TMEM117: variants seen among roughly 807,000 people sequenced by gnomAD.
TMEM117 encodes transmembrane protein 117.
Under a neutral mutation model 52.4 loss-of-function variants are expected in TMEM117, and 27 were observed. That is an observed-to-expected ratio of 0.51 (90% confidence interval 0.38 to 0.71). The LOEUF (loss-of-function observed/expected upper bound fraction) is 0.71. TMEM117 is among the 30% of genes least tolerant of loss of function. The pLI is 0.00. For synonymous variants in TMEM117, 215 were observed against 206.3 expected (o/e 1.04, Z -0.36); for missense variants, 556 against 630.5 (o/e 0.88, Z 1.26).
chr12:43,896,806 T>C (rs1053105215), intron 2 of TMEM117, among the ~76,000 whole-genome samples: 3 of 152,144 alleles, frequency 2.0e-5, no homozygotes, highest in Admixed American at 6.5e-5. Context: ...ACCCACAGCT[T>C]ATCATTTTAT....
At chr12:44,313,325 A>G (rs1210364697) in intron 6 of TMEM117, among the ~76,000 whole-genome samples, 3 of 152,186 alleles carry the variant, frequency 2.0e-5, no homozygotes, top group Admixed American at 6.5e-5. Context: ...TCTTCTGCAT[A>G]TGACTATCCA....
chr12:44,216,633 A>G (rs959851160), intron 5 of TMEM117, among the ~76,000 whole-genome samples: 1 of 152,180 alleles, frequency 6.6e-6, no homozygotes, highest in East Asian at 1.9e-4. Context: ...AGTATTACTG[A>G]GTATTATAGT....
In TMEM117 at chr12:44,282,204, A is replaced by C. The variant is rs563404593; in HGVS notation, c.609-17376A>C. Among the ~76,000 whole-genome samples, 5 of 152,304 alleles carry C rather than the reference A, an allele frequency of 3.3e-5. No homozygotes were observed. The South Asian group carries it at 6.2e-4, about 19-fold the overall frequency. On this transcript the variant is annotated intron_variant, in intron 5 of 7. Transcript: ENST00000266534. ...CGTGGAACTGTAAGTCCAATTAAAC[A>C]TCTTTTTCTTCCCCGTCTCAGGTAT...
At chr12:44,365,402 T>G (rs1328212399) in intron 6 of TMEM117, among the ~76,000 whole-genome samples, 1 of 152,014 alleles carries the variant, frequency 6.6e-6, no homozygotes, top group Non-Finnish European at 1.5e-5. Context: ...GGCATGATAG[T>G]TGGGCTTAAA....
At chr12:44,055,742 T>A (rs1020383078) in intron 3 of TMEM117, among the ~76,000 whole-genome samples, 2 of 152,200 alleles carry the variant, frequency 1.3e-5, no homozygotes, top group Non-Finnish European at 2.9e-5. Flanking sequence ...ACTATACAGA[T>A]GTATTGTGAA....
At chr12:44,324,026 T>C (rs575829358) in intron 6 of TMEM117, among the ~76,000 whole-genome samples, 23 of 152,226 alleles carry the variant, frequency 1.5e-4, no homozygotes, top group African/African-American at 3.4e-4. Context: ...TTCACCTCAT[T>C]TTGACATCAT....
intron 2 of TMEM117, among the ~76,000 whole-genome samples, chr12:43,942,181 A>G (rs1945054275): frequency 6.6e-6 from 1 of 152,200 alleles, no homozygotes; most frequent in Non-Finnish European, 1.5e-5. Context: ...AAATACTCAG[A>G]TGATAATTGA....
intron 3 of TMEM117, among the ~76,000 whole-genome samples, chr12:44,059,511 T>C (rs1947107164): frequency 6.6e-6 from 1 of 152,116 alleles, no homozygotes; most frequent in African/African-American, 2.4e-5. Flanking sequence ...CATTTTGGGG[T>C]GGTCTTTACT....
chr12:44,272,048 C>T (rs1371426518), intron 5 of TMEM117, among the ~76,000 whole-genome samples: 1 of 151,972 alleles, frequency 6.6e-6, no homozygotes, highest in Non-Finnish European at 1.5e-5. Context: ...ACCTCATACT[C>T]GTTAGAGTGG....
At position 44,388,581 on chromosome 12, in the gene TMEM117, C is replaced by G. The variant is rs146778152; in HGVS notation, c.1454C>G (p.Ser485Trp). The stretch of plus-strand genomic sequence containing the variant: ...GTCTACAAGTCTTCCCACCTAACCT[C>G]GGAAAACTTGAGCTCACAGTTGAAC... ...EIVYKSSHLT[S>W]ENLSSQLNES... The change falls in exon 8 of 8, where the codon TCG becomes TGG. Residue 485 changes from serine to tryptophan, a missense_variant. This residue lies in a region of TMEM117 where 206 missense variants were observed against 211.1 expected (regional missense o/e 0.98). Transcript: ENST00000266534. The G allele has an allele frequency of 1.2e-6, 2 of 1,613,374 alleles. No homozygotes were observed. The highest frequency in any genetic ancestry group is 1.7e-6 in the Non-Finnish European group (2 of 1,179,596).
At chr12:43,867,131 G>C (rs1419477910) in intron 2 of TMEM117, among the ~76,000 whole-genome samples, 1 of 151,962 alleles carries the variant, frequency 6.6e-6, no homozygotes, top group African/African-American at 2.4e-5. Context: ...TGTTTAAAAG[G>C]AAAATTGTAA....
At chr12:44,096,764 G>C (rs1429639606) in intron 3 of TMEM117, among the ~76,000 whole-genome samples, 11 of 152,146 alleles carry the variant, frequency 7.2e-5, no homozygotes, top group South Asian at 2.1e-4. Context: ...AAAAACCCTA[G>C]AAGAAAAGCT....
chr12:44,016,597 C>T (rs984952078), intron 3 of TMEM117, among the ~76,000 whole-genome samples: 14 of 152,212 alleles, frequency 9.2e-5, no homozygotes, highest in African/African-American at 3.1e-4. Context: ...AGATGGGAAA[C>T]AATACATGAC....
chr12:43,973,509 G>A (rs1415378618), intron 3 of TMEM117, among the ~76,000 whole-genome samples: 2 of 152,130 alleles, frequency 1.3e-5, no homozygotes, highest in East Asian at 1.9e-4. Flanking sequence ...TTTACAAAGA[G>A]TAACCTCACA....
the TMEM117 span, among the ~76,000 whole-genome samples, chr12:43,824,928 C>T: frequency 6.6e-6 from 1 of 152,108 alleles, no homozygotes; most frequent in Non-Finnish European, 1.5e-5. Flanking sequence ...AGCGAGACTC[C>T]GTCTCAAAAC....
At chr12:44,234,125 T>A (rs916228822) in intron 5 of TMEM117, among the ~76,000 whole-genome samples, 1 of 151,390 alleles carries the variant, frequency 6.6e-6, no homozygotes, top group Admixed American at 6.6e-5. Context: ...TAAAATCAGT[T>A]GGGGATTGTA....
intron 5 of TMEM117, among the ~76,000 whole-genome samples, chr12:44,235,906 A>G (rs1294200558): frequency 1.3e-5 from 2 of 151,750 alleles, no homozygotes; most frequent in Admixed American, 6.6e-5. Context: ...TTTTACATTA[A>G]ACATATTGAA....
chr12:44,271,306 T>C (rs1292609377), intron 5 of TMEM117, among the ~76,000 whole-genome samples: 2 of 152,134 alleles, frequency 1.3e-5, no homozygotes, highest in Non-Finnish European at 2.9e-5. Context: ...CCCATTCTGC[T>C]TTTCCTTCTT....
At chr12:43,859,869 A>G (rs901045558) in intron 2 of TMEM117, among the ~76,000 whole-genome samples, 1 of 152,218 alleles carries the variant, frequency 6.6e-6, no homozygotes, top group African/African-American at 2.4e-5. Context: ...GGCAACTTAA[A>G]TTATCATTAG....
Sources: allele counts gnomAD v4.1 joint callset (sites outside exome capture counted in the v4.1 genomes callset), GRCh38; gene constraint gnomAD v4.1.1; regional missense constraint gnomAD v4.1.1; transcripts MANE v1.5; gene names NCBI Gene and HGNC (gene_info 2026-07-23, HGNC 2026-07-21).